The following FRY variants were observed in gnomAD, a reference collection of about 807,000 sequenced individuals.
The protein encoded by FRY is FRY microtubule binding protein, also known as protein furry homolog.
Under a neutral mutation model 348.4 loss-of-function variants are expected in FRY, and 128 were observed. The observed-to-expected ratio is 0.37, with a 90% CI of 0.32 to 0.43. The LOEUF is 0.43. Among genes scored for constraint, FRY ranks in the 20% least tolerant of loss-of-function variants. FRY has a pLI of 1.00. For synonymous variants in FRY, 1,370 were observed against 1,374.7 expected, an observed-to-expected ratio of 1.00 and a Z score of 0.08; for missense variants, 2,736 against 3,695.2, an observed-to-expected ratio of 0.74 and a Z score of 6.73.
At chr13:32,274,128 T>A (rs916773633) in intron 55 of FRY, among the ~76,000 whole-genome samples, 10 of 152,208 alleles carry the variant, frequency 6.6e-5, no homozygotes, top group African/African-American at 2.4e-4. Context: ...ACTGAATGAT[T>A]ACTTAGTTGA....
chr13:32,172,924 C>A (rs1882174061), intron 18 of FRY, among the ~76,000 whole-genome samples: 1 of 152,120 alleles, frequency 6.6e-6, no homozygotes, highest in Non-Finnish European at 1.5e-5. Context: ...TGTGCAAAAC[C>A]TAGATTAGAA....
At chr13:32,184,498 T>G (rs1882902845) in intron 24 of FRY, 102 bp from the exon 25 acceptor site, 6 of 743,576 alleles carry the variant, frequency 8.1e-6, no homozygotes, top group Non-Finnish European at 1.4e-5. Context: ...GCTTAGAAAA[T>G]TGAAAATGAC....
At chr13:32,193,958 G>A (rs1883516484) in intron 28 of FRY, among the ~76,000 whole-genome samples, 185 bp from the exon 29 acceptor site, 1 of 152,124 alleles carries the variant, frequency 6.6e-6, no homozygotes, top group African/African-American at 2.4e-5. Flanking sequence ...CAAATTTAAT[G>A]TATACATTTC....
intron 4 of FRY, among the ~76,000 whole-genome samples, chr13:32,118,017 C>T (rs1297128379): frequency 1.3e-5 from 2 of 152,138 alleles, no homozygotes; most frequent in Non-Finnish European, 2.9e-5. Context: ...ACTCCTCCTT[C>T]CAGCTGAGTA....
At chr13:32,060,533 T>A (rs930057539) in intron 1 of FRY, among the ~76,000 whole-genome samples, 1 of 152,228 alleles carries the variant, frequency 6.6e-6, no homozygotes, top group African/African-American at 2.4e-5. Flanking sequence ...TCTGTAAGCA[T>A]GTAAGCTGTT....
At position 32,224,972 on chromosome 13, in the gene FRY, G is replaced by A. The variant is rs1203360262; in HGVS notation, c.4956G>A (p.Val1652=). 26 of 1,611,268 alleles carry A rather than the reference G, an allele frequency of 1.6e-5. No individual in the cohort carries two copies. The highest frequency in any genetic ancestry group is 2.0e-5 in the Non-Finnish European group (24 of 1,177,536). The change falls in exon 38 of 61, where the codon GTG becomes GTA. Residue 1652 remains valine, a synonymous_variant. Transcript: ENST00000542859. ...TAATTTTTATGACTGAAATGGTGGT[G>A]GATCACAGTGTACGAGAAGACTGGG... ...IAVIFMTEMV[V]DHSVREDWAL... is the part of the protein sequence containing the mutation.
At chr13:32,066,804 G>A (rs1874285201) in intron 1 of FRY, among the ~76,000 whole-genome samples, 1 of 152,028 alleles carries the variant, frequency 6.6e-6, no homozygotes, top group African/African-American at 2.4e-5. Flanking sequence ...CACATTCATT[G>A]GTTTGCCATT....
At chr13:32,055,562 G>A (rs1873579422) in intron 1 of FRY, among the ~76,000 whole-genome samples, 1 of 152,154 alleles carries the variant, frequency 6.6e-6, no homozygotes, top group African/African-American at 2.4e-5. Context: ...CATTGAGTCT[G>A]TACATTTTAT....
chr13:32,229,698 C>T (rs1159224434), intron 40 of FRY, among the ~76,000 whole-genome samples: 1 of 152,168 alleles, frequency 6.6e-6, no homozygotes, highest in Non-Finnish European at 1.5e-5. Flanking sequence ...TCCATTCTTA[C>T]TGTTGAAAAC....
chr13:32,088,701 G>C (rs1301310593), intron 2 of FRY, among the ~76,000 whole-genome samples: 1 of 152,102 alleles, frequency 6.6e-6, no homozygotes, highest in Non-Finnish European at 1.5e-5. Context: ...GCAAATAAAT[G>C]ATGTGAAAAT....
At chr13:32,102,317 G>A (rs1877217782) in intron 3 of FRY, among the ~76,000 whole-genome samples, 1 of 152,274 alleles carries the variant, frequency 6.6e-6, no homozygotes, top group South Asian at 2.1e-4. Context: ...GAGTTTAAAG[G>A]AAATTCCATT....
chr13:32,133,768 CTTTTTTTTTTTTTTTT>C (rs34413710), intron 8 of FRY, among the ~76,000 whole-genome samples: 1 of 89,286 alleles, frequency 1.1e-5, no homozygotes, highest in Non-Finnish European at 2.1e-5. Context: ...TTCTTTCTTT[CTTTTTTTTTTTTTTTT>C]TTTTTTGAAT....
rs139749024 is a variant in FRY, at chr13:32,175,529, G to A, written c.2335-17G>A. On this transcript the variant is annotated splice_polypyrimidine_tract_variant and intron_variant, in intron 19 of 60. Coordinates refer to ENST00000542859, the MANE Select transcript of FRY (RefSeq NM_023037.3). ...ATTCATTTTCCCATAGAGAGTAATC[G>A]CCTCCCCTTTGTACAGGATGACGAC... The A allele has an allele frequency of 4.6e-4, 696 of 1,513,266 alleles. 1 individual carries two copies. The highest frequency in any genetic ancestry group is 3.8e-3 in the African/African-American group (276 of 73,046). The allele number at this position is 1,513,266 out of a possible 1,614,324, so 93.7% of individuals were successfully genotyped here.
chr13:32,220,938 A>G (rs1885279356), intron 36 of FRY, among the ~76,000 whole-genome samples: 1 of 152,220 alleles, frequency 6.6e-6, no homozygotes, highest in Non-Finnish European at 1.5e-5. Context: ...TAGAACTGAG[A>G]TGAGTTACTA....
chr13:32,262,227 CG>C, intron 52 of FRY, 86 bp from the exon 53 acceptor site: 1 of 1,025,484 alleles, frequency 9.8e-7, no homozygotes, highest in Non-Finnish European at 1.5e-6. Flanking sequence ...AAAATTAAGA[CG>C]TATTAACCAA....
chr13:32,162,341 C>T (rs1881495374), intron 17 of FRY, among the ~76,000 whole-genome samples: 1 of 152,130 alleles, frequency 6.6e-6, no homozygotes, highest in Admixed American at 6.5e-5. Context: ...CTTCTGAGAG[C>T]ACCTTTCCCA....
At chr13:32,087,880 A>G (rs986653310) in intron 2 of FRY, among the ~76,000 whole-genome samples, 1 of 152,216 alleles carries the variant, frequency 6.6e-6, no homozygotes, top group Admixed American at 6.5e-5. Flanking sequence ...TTGGATCTTT[A>G]TATGGCAGAT....
In FRY at chr13:32,228,478, G is replaced by A; in HGVS notation, c.5229G>A (p.Glu1743=). ...CAGGTGGCTTTGACTTCCTGAGAGAGGACCAGTCATCCCCGGTGCCTGACT... is the reference window on the plus strand; with the variant it reads ...CAGGTGGCTTTGACTTCCTGAGAGAAGACCAGTCATCCCCGGTGCCTGACT... ...LYTGGFDFLR[E]DQSSPVPDSG... is the part of the protein sequence containing the mutation. The change falls in exon 40 of 61, where the codon GAG becomes GAA. Residue 1743 remains glutamate, a synonymous_variant. Coordinates refer to ENST00000542859, the MANE Select transcript of FRY (RefSeq NM_023037.3). 6.2e-7 allele frequency: 1 copy of A among 1,612,518 alleles called. No individual in the cohort carries two copies. Among genetic ancestry groups the A allele is most frequent in the Non-Finnish European group, 8.5e-7 (1 of 1,179,780 alleles).
chr13:32,074,725 A>C (rs1272231143), intron 1 of FRY, among the ~76,000 whole-genome samples: 1 of 152,272 alleles, frequency 6.6e-6, no homozygotes, highest in Non-Finnish European at 1.5e-5. Context: ...TTAATACAAC[A>C]AATTAAGCAA....
Sources: allele counts gnomAD v4.1 joint callset (sites outside exome capture counted in the v4.1 genomes callset), GRCh38; gene constraint gnomAD v4.1.1; transcripts MANE v1.5; gene names NCBI Gene and HGNC (gene_info 2026-07-23, HGNC 2026-07-21).